Variants in ZNF804A observed in about 807,000 individuals in gnomAD.
ZNF804A encodes zinc finger protein 804A.
In ZNF804A, 2 loss-of-function variants were observed where a neutral mutation model predicts 16.5. The observed-to-expected ratio is 0.12, with a 90% CI of 0.05 to 0.38. ZNF804A has a LOEUF of 0.38. Ranked by LOEUF, ZNF804A falls within the 10% of genes least tolerant of loss-of-function variation. The probability of loss-of-function intolerance (pLI) is 0.99; values close to 1 mark genes in which losing one functional copy is unlikely to be tolerated. For missense variants in ZNF804A, 1,473 were observed against 1,390.7 expected (o/e 1.06, Z -0.94); for synonymous variants, 534 against 489.6 (o/e 1.09, Z -1.20).
chr2:184,892,856 T>C (rs1389079676), intron 2 of ZNF804A, among the ~76,000 whole-genome samples: 1 of 152,158 alleles, frequency 6.6e-6, no homozygotes, highest in Non-Finnish European at 1.5e-5. Flanking sequence ...CATAAGGGTG[T>C]TTTAATTCTG....
intron 1 of ZNF804A, among the ~76,000 whole-genome samples, chr2:184,684,647 A>C (rs1047783399): frequency 1.3e-5 from 2 of 152,140 alleles, no homozygotes; most frequent in Admixed American, 1.3e-4. Context: ...TGTGATGCTG[A>C]GTTTTGGGAT....
intron 1 of ZNF804A, among the ~76,000 whole-genome samples, chr2:184,804,288 G>A (rs1400731514): frequency 6.6e-6 from 1 of 152,152 alleles, no homozygotes; most frequent in Admixed American, 6.5e-5. Flanking sequence ...CAAACAAGGT[G>A]ACATTCAGAG....
intron 1 of ZNF804A, among the ~76,000 whole-genome samples, chr2:184,855,615 TACACAC>T (rs4017731): frequency 1.5e-4 from 18 of 120,720 alleles, no homozygotes; most frequent in African/African-American, 7.4e-4. Context: ...TATATATATA[TACACAC>T]ACACACACAC....
intron 1 of ZNF804A, among the ~76,000 whole-genome samples, chr2:184,762,080 G>A (rs933389999): frequency 6.6e-6 from 1 of 151,888 alleles, no homozygotes; most frequent in Non-Finnish European, 1.5e-5. Flanking sequence ...ATTCCATGAT[G>A]TCTCTCTCTC....
At chr2:184,785,100 A>G (rs904202114) in intron 1 of ZNF804A, among the ~76,000 whole-genome samples, 20 of 152,018 alleles carry the variant, frequency 1.3e-4, no homozygotes, top group Non-Finnish European at 5.9e-5. Flanking sequence ...TTGAGCTAGT[A>G]TCCCTGCAAG....
intron 2 of ZNF804A, among the ~76,000 whole-genome samples, chr2:184,916,167 A>G (rs539527444): frequency 3.3e-5 from 5 of 152,290 alleles, no homozygotes; most frequent in Admixed American, 1.3e-4. Flanking sequence ...CTTGACAGAA[A>G]CAACTCTCTG....
chr2:184,718,622 A>T (rs1371780691), intron 1 of ZNF804A, among the ~76,000 whole-genome samples: 2 of 152,188 alleles, frequency 1.3e-5, no homozygotes, highest in African/African-American at 2.4e-5. Context: ...TACAGGCTCT[A>T]TGCAAGTCCA....
chr2:184,850,958 C>G (rs1419000491), intron 1 of ZNF804A, among the ~76,000 whole-genome samples: 1 of 151,622 alleles, frequency 6.6e-6, no homozygotes, highest in East Asian at 1.9e-4. Flanking sequence ...TGACTGGGTA[C>G]CACACTCCCA....
At chr2:184,696,081 T>C (rs1692827018) in intron 1 of ZNF804A, among the ~76,000 whole-genome samples, 1 of 152,188 alleles carries the variant, frequency 6.6e-6, no homozygotes, top group African/African-American at 2.4e-5. Context: ...ACTTCTATAA[T>C]GTAATTTCGG....
At chr2:184,846,837 A>G (rs1421497153) in intron 1 of ZNF804A, among the ~76,000 whole-genome samples, 1 of 152,102 alleles carries the variant, frequency 6.6e-6, no homozygotes, top group Admixed American at 6.6e-5. Flanking sequence ...GATGAAAAAT[A>G]AAACAGATGC....
intron 1 of ZNF804A, among the ~76,000 whole-genome samples, chr2:184,750,567 A>C (rs1693863099): frequency 6.6e-6 from 1 of 151,324 alleles, no homozygotes; most frequent in Admixed American, 6.6e-5. Flanking sequence ...CAACTTGGTG[A>C]GTTTGGAGCT....
At chr2:184,772,962 C>T (rs13020868) in intron 1 of ZNF804A, among the ~76,000 whole-genome samples, 1 of 123,308 alleles carries the variant, frequency 8.1e-6, no homozygotes, top group East Asian at 2.1e-4. Flanking sequence ...TATACATATA[C>T]ATATATATGT....
chr2:184,687,614 G>A (rs972717113), intron 1 of ZNF804A, among the ~76,000 whole-genome samples: 1 of 152,224 alleles, frequency 6.6e-6, no homozygotes, highest in African/African-American at 2.4e-5. Context: ...ATGGCTGAGA[G>A]AAGGGAGGAA....
rs558434278 is a variant in ZNF804A, at chr2:184,826,923, T to C, written c.112-39446T>C. 6.6e-5 allele frequency among the ~76,000 whole-genome samples: 10 copies of C among 152,212 alleles called. No homozygotes were observed. The South Asian group carries it at 2.1e-3, about 32-fold the overall frequency. ...TTTATGGAGACCATTTTCTTTTATA[T>C]ACTTTTTACTTCATTTTATCATGTG... On this transcript the variant is annotated intron_variant, in intron 1 of 3. Transcript: ENST00000302277.
rs1226230787 is a variant in ZNF804A, at chr2:184,939,350, G to C, written c.*324G>C. 5.6e-6 allele frequency: 1 copy of C among 179,922 alleles called. No individual in the cohort carries two copies. The highest frequency in any genetic ancestry group is 6.0e-5 in the Admixed American group (1 of 16,792). The allele number at this position is 179,922 out of a possible 1,614,324, so 11.1% of individuals were successfully genotyped here. ...TTATGTTGTAAAGTATGCTCCCTTG[G>C]TTTTTCTTAATCTTTGTGTATTTGC... On this transcript the variant is annotated 3_prime_UTR_variant, in exon 4 of 4. Coordinates refer to ENST00000302277, the MANE Select transcript of ZNF804A (RefSeq NM_194250.2).
At chr2:184,732,326 G>A (rs1415920257) in intron 1 of ZNF804A, among the ~76,000 whole-genome samples, 4 of 151,364 alleles carry the variant, frequency 2.6e-5, no homozygotes, top group Non-Finnish European at 5.9e-5. Context: ...CCATTGTATT[G>A]TCTTTTCTCT....
chr2:184,715,674 T>C (rs1294741408), intron 1 of ZNF804A, among the ~76,000 whole-genome samples: 6 of 152,160 alleles, frequency 3.9e-5, no homozygotes, highest in Non-Finnish European at 8.8e-5. Flanking sequence ...GTGCTGATAT[T>C]ATAGGCATGA....
intron 1 of ZNF804A, among the ~76,000 whole-genome samples, chr2:184,604,137 C>G (rs13405729): frequency 9.3e-6 from 1 of 107,980 alleles, no homozygotes; most frequent in South Asian, 3.5e-4. Flanking sequence ...TTATGGATGA[C>G]TGCAATTACT....
intron 1 of ZNF804A, among the ~76,000 whole-genome samples, chr2:184,756,186 T>C (rs1693956781): frequency 6.6e-6 from 1 of 151,938 alleles, no homozygotes; most frequent in Admixed American, 6.6e-5. Flanking sequence ...TTTTTTTTCT[T>C]TTTTGAAGGT....
Sources: allele counts gnomAD v4.1 joint callset (sites outside exome capture counted in the v4.1 genomes callset), GRCh38; gene constraint gnomAD v4.1.1; transcripts MANE v1.5; gene names NCBI Gene and HGNC (gene_info 2026-07-23, HGNC 2026-07-21).